Variants in GPC4 observed in about 807,000 individuals in gnomAD.
GPC4 encodes the protein glypican 4.
GPC4 carries 10 observed loss-of-function variants against 35.0 expected under a neutral mutation model. The observed-to-expected ratio is 0.29, with a 90% CI of 0.18 to 0.48. GPC4 has a LOEUF of 0.48. GPC4 is among the 20% of genes least tolerant of loss of function. GPC4 has a pLI of 0.99. For missense variants in GPC4, 322 were observed against 451.3 expected (o/e 0.71, Z 2.60); for synonymous variants, 167 against 170.2 (o/e 0.98, Z 0.15).
chrX:133,388,351 T>G (rs2068702237), intron 1 of GPC4, among the ~76,000 whole-genome samples: 1 of 112,250 alleles, frequency 8.9e-6, no homozygotes, highest in African/African-American at 3.2e-5. Context: ...AATAGGCTTC[T>G]GGACATGTAT....
chrX:133,364,875 T>C (rs112228522), intron 1 of GPC4, among the ~76,000 whole-genome samples: 3,812 of 111,983 alleles, frequency 0.034, 157 homozygotes, highest in African/African-American at 0.12. Context: ...AATTTAAGAC[T>C]GTTTCATTCT....
intron 6 of GPC4, 103 bp downstream of exon 6, chrX:133,305,669 C>T (rs896744129): frequency 1.4e-5 from 15 of 1,042,625 alleles, no homozygotes; most frequent in Non-Finnish European, 1.2e-5. Context: ...AAAGTGACAC[C>T]TGAAAGACCC....
intron 1 of GPC4, among the ~76,000 whole-genome samples, chrX:133,394,791 C>A (rs2068735227): frequency 8.9e-6 from 1 of 111,749 alleles, no homozygotes; most frequent in African/African-American, 3.3e-5. Flanking sequence ...CAAGACAACA[C>A]CATGGACCTA....
chrX:133,341,301 G>GC (rs753609243), intron 1 of GPC4, among the ~76,000 whole-genome samples: 5 of 111,850 alleles, frequency 4.5e-5, no homozygotes, highest in African/African-American at 1.6e-4. Flanking sequence ...GTACAGTGCT[G>GC]TCACTATATT....
At chrX:133,412,980 G>C (rs1478160580) in intron 1 of GPC4, among the ~76,000 whole-genome samples, 1 of 112,611 alleles carries the variant, frequency 8.9e-6, no homozygotes, top group Non-Finnish European at 1.9e-5. Context: ...ATTAAGTGCA[G>C]AGCTGCATCT....
intron 2 of GPC4, among the ~76,000 whole-genome samples, chrX:133,335,444 AACACACACACACATACACACAC>A (rs768266266): frequency 1.5e-4 from 17 of 110,835 alleles, no homozygotes; most frequent in Non-Finnish European, 3.0e-4. Flanking sequence ...CCCAAATCCG[AACACACACACACATACACACAC>A]ACACACGCAC....
At position 133,405,101 on chromosome X, in the gene GPC4, ACT is replaced by A. The variant is rs1477764950; in HGVS notation, c.160+9703_160+9704del. Among the ~76,000 whole-genome samples the A allele has an allele frequency of 4.3e-5, 4 of 92,679 alleles. No individual in the cohort carries two copies. In the East Asian group the frequency reaches 1.0e-3, roughly 24 times the overall value. The allele number at this position is 92,679 out of a possible 115,157, so 80.5% of individuals were successfully genotyped here. A position where few individuals can be genotyped will look rare whatever the true frequency, so the allele number is the denominator to read the frequency against. ...TCATATTTTGAATATTTCCAATAGA[ACT>A]CTTTTTTTTTTTTTTTTTTTTTGAG... On this transcript the variant is annotated intron_variant, in intron 1 of 8. Coordinates refer to ENST00000370828, the MANE Select transcript of GPC4 (RefSeq NM_001448.3).
intron 6 of GPC4, 95 bp from the exon 7 acceptor site, chrX:133,304,956 A>C: frequency 1.2e-6 from 1 of 824,070 alleles, no homozygotes; most frequent in Non-Finnish European, 1.8e-6. Flanking sequence ...AAGTATCTCC[A>C]GAGTGATATG....
intron 2 of GPC4, among the ~76,000 whole-genome samples, chrX:133,338,735 C>T (rs2068454576): frequency 9.0e-6 from 1 of 111,551 alleles, no homozygotes; most frequent in African/African-American, 3.2e-5. Flanking sequence ...TTAATCCTGC[C>T]TGTGTTCTGC....
chrX:133,324,729 T>G (rs763217285), intron 2 of GPC4, among the ~76,000 whole-genome samples, 193 bp from the exon 3 acceptor site: 8 of 111,489 alleles, frequency 7.2e-5, no homozygotes, highest in African/African-American at 2.6e-4. Flanking sequence ...AGGAAAGCTG[T>G]GTCACAAAGT....
chrX:133,305,751 C>G (rs754957632), intron 6 of GPC4, 21 bp downstream of exon 6: 3 of 1,207,788 alleles, frequency 2.5e-6, no homozygotes, highest in Non-Finnish European at 3.4e-6. Flanking sequence ...TAAACACGGC[C>G]CTTCCTGCCA....
chrX:133,397,358 A>G (rs1450120136), intron 1 of GPC4, among the ~76,000 whole-genome samples: 1 of 111,358 alleles, frequency 9.0e-6, no homozygotes, highest in Non-Finnish European at 1.9e-5. Flanking sequence ...TGGGAGTTCG[A>G]GACTGGCCTG....
intron 1 of GPC4, among the ~76,000 whole-genome samples, chrX:133,344,188 C>T (rs866199335): frequency 2.3e-5 from 1 of 43,004 alleles, no homozygotes; most frequent in Non-Finnish European, 5.6e-5. Flanking sequence ...TTCTTTCTTT[C>T]TGGTTTTTTT....
In GPC4 at chrX:133,409,941, C is replaced by G. The variant is rs764941630; in HGVS notation, c.160+4865G>C. 8.1e-5 allele frequency among the ~76,000 whole-genome samples: 9 copies of G among 111,544 alleles called. No individual in the cohort carries two copies. In the Middle Eastern group the frequency reaches 0.014, roughly 171 times the overall value. ...TGTCTTTATCTCTTGCCTCGCCAAC[C>G]CTTAACCCAAAGAGCCACTAGTTAT... On this transcript the variant is annotated intron_variant, in intron 1 of 8. Coordinates refer to ENST00000370828, the MANE Select transcript of GPC4 (RefSeq NM_001448.3).
chrX:133,369,096 T>C (rs1420843712), intron 1 of GPC4, among the ~76,000 whole-genome samples: 1 of 111,974 alleles, frequency 8.9e-6, no homozygotes, highest in East Asian at 2.8e-4. Flanking sequence ...CTTAGTCTAC[T>C]CACAATAATT....
At chrX:133,389,547 T>A (rs911825935) in intron 1 of GPC4, among the ~76,000 whole-genome samples, 1 of 111,207 alleles carries the variant, frequency 9.0e-6, no homozygotes, top group Non-Finnish European at 1.9e-5. Flanking sequence ...GAGGGCAAAA[T>A]TTAGGCTAAA....
At chrX:133,370,843 G>A (rs73239382) in intron 1 of GPC4, among the ~76,000 whole-genome samples, 264 of 111,334 alleles carry the variant, frequency 2.4e-3, no homozygotes, top group Non-Finnish European at 4.3e-3. Flanking sequence ...TTGGGGGTGG[G>A]GTGAGGGGAA....
intron 2 of GPC4, among the ~76,000 whole-genome samples, chrX:133,336,795 C>T (rs1375188084): frequency 9.1e-6 from 1 of 109,904 alleles, no homozygotes; most frequent in Non-Finnish European, 1.9e-5. Flanking sequence ...ATTGTCTATG[C>T]CATATTTTAT....
rs200082990 is a variant in GPC4, at chrX:133,304,896, T to C, written c.1156-35A>G. 578 of 1,194,205 alleles carry C rather than the reference T, an allele frequency of 4.8e-4. 3 individuals are homozygous for C. The highest frequency in any genetic ancestry group is 4.2e-3 in the Middle Eastern group (18 of 4,289). ...AAACAACAACAACAAAAAAAGATCA[T>C]TGTAAGACAAGACAAAACTACCTAC... On this transcript the variant is annotated intron_variant, in intron 6 of 8. Coordinates refer to ENST00000370828, the MANE Select transcript of GPC4 (RefSeq NM_001448.3).
Sources: gnomAD v4.1 joint callset for allele counts (sites outside exome capture counted in the v4.1 genomes callset) on GRCh38, gnomAD v4.1.1 for gene constraint, MANE v1.5 for transcripts, NCBI Gene and HGNC (gene_info 2026-07-23, HGNC 2026-07-21) for gene names.